The following MARCHF10 variants were observed in gnomAD, a reference collection of about 807,000 sequenced individuals.
The protein encoded by MARCHF10 is membrane associated ring-CH-type finger 10, also known as probable E3 ubiquitin-protein ligase MARCHF10.
In MARCHF10, 64 loss-of-function variants were observed where a neutral mutation model predicts 76.2. The observed-to-expected ratio is 0.84, with a 90% CI of 0.69 to 1.03. The LOEUF is 1.03. Ranked by LOEUF, MARCHF10 falls within the 50% of genes least tolerant of loss-of-function variation. MARCHF10 has a pLI of 0.00. For missense variants in MARCHF10, 875 were observed against 958.0 expected (o/e 0.91, Z 1.14); for synonymous variants, 340 against 357.5 (o/e 0.95, Z 0.55).
At chr17:62,750,955 C>T (rs750757323) in intron 4 of MARCHF10, among the ~76,000 whole-genome samples, 15 of 152,182 alleles carry the variant, frequency 9.9e-5, no homozygotes, top group Non-Finnish European at 1.8e-4. Context: ...CAGCTGCCCC[C>T]GCTAGCAGGC....
At chr17:62,740,077 TGTGTGC>T (rs201038985) in intron 5 of MARCHF10, among the ~76,000 whole-genome samples, 18 of 88,464 alleles carry the variant, frequency 2.0e-4, no homozygotes, top group African/African-American at 4.2e-4. Flanking sequence ...TGTGTGTGTG[TGTGTGC>T]GTGTGTGTGT....
At chr17:62,802,278 T>C (rs538724729) in intron 1 of MARCHF10, among the ~76,000 whole-genome samples, 37 of 152,238 alleles carry the variant, frequency 2.4e-4, no homozygotes, top group African/African-American at 8.4e-4. Context: ...TGGAGTGCAA[T>C]GGCCAGTCTC....
intron 4 of MARCHF10, among the ~76,000 whole-genome samples, chr17:62,747,383 T>C (rs1380060098): frequency 1.3e-5 from 2 of 152,240 alleles, no homozygotes; most frequent in Admixed American, 6.5e-5. Context: ...CATTACCATG[T>C]GTCCTCTAAT....
Position 62,701,770 on chromosome 17 carries a change from G to C in MARCHF10, c.2372-12C>G, listed in dbSNP as rs542514893. The C allele has an allele frequency of 4.4e-5, 71 of 1,613,950 alleles. No individual in the cohort carries two copies. The highest frequency in any genetic ancestry group is 5.8e-5 in the Non-Finnish European group (68 of 1,180,034). On this transcript the variant is annotated splice_polypyrimidine_tract_variant and intron_variant, in intron 10 of 10. Coordinates refer to ENST00000311269, the MANE Select transcript of MARCHF10 (RefSeq NM_152598.4). ...TCCCAACTCCGAATCTGGAAGGCAA[G>C]AAGGTGTTTCAGGCTGGAGGGCCGC...
chr17:62,768,079 A>G (rs2092374455), intron 3 of MARCHF10, among the ~76,000 whole-genome samples: 1 of 152,208 alleles, frequency 6.6e-6, no homozygotes, highest in Non-Finnish European at 1.5e-5. Context: ...TGAGTCCCTG[A>G]AAGTCTGAGA....
At chr17:62,719,642 G>GTTTTT (rs368367735) in intron 8 of MARCHF10, among the ~76,000 whole-genome samples, 4 of 150,958 alleles carry the variant, frequency 2.6e-5, no homozygotes, top group African/African-American at 7.3e-5. Flanking sequence ...GTTTTGTTTT[G>GTTTTT]CTTTTGGCAT....
rs1242353968 is a variant in MARCHF10 at position 62,756,196 on chromosome 17, C to T, written c.382+3639G>A. Among the ~76,000 whole-genome samples, 11 of 152,014 alleles carry T rather than the reference C, an allele frequency of 7.2e-5. No individual in the cohort carries two copies. The East Asian group carries it at 9.7e-4, about 13-fold the overall frequency. On this transcript the variant is annotated intron_variant, in intron 4 of 10. Transcript: ENST00000311269. Reference sequence around the variant, plus strand: ...CCGGGAGGCGGAGGTTGCCGTAAGCCGAGATCGCGCCATTGCACTTCAGCC... The same window carrying T: ...CCGGGAGGCGGAGGTTGCCGTAAGCTGAGATCGCGCCATTGCACTTCAGCC...
intron 2 of MARCHF10, among the ~76,000 whole-genome samples, chr17:62,795,356 C>CAAAAAAAAAAAAAAAAAAAAAAAAAAA (rs61564298): frequency 1.9e-5 from 1 of 52,936 alleles, no homozygotes; most frequent in African/African-American, 7.0e-5. Context: ...ATCATTTGAT[C>CAAAAAAAAAAAAAAAAAAAAAAAAAAA]AAAAAAAAAA....
intron 2 of MARCHF10, among the ~76,000 whole-genome samples, chr17:62,799,452 T>C (rs912905736): frequency 4.6e-5 from 7 of 152,098 alleles, no homozygotes; most frequent in Non-Finnish European, 1.0e-4. Flanking sequence ...CTCACAGTGA[T>C]AAGAATAAAA....
chr17:62,732,465 G>C (rs1158527149), intron 6 of MARCHF10, among the ~76,000 whole-genome samples: 1 of 152,182 alleles, frequency 6.6e-6, no homozygotes, highest in Non-Finnish European at 1.5e-5. Context: ...TGGCTGTGCA[G>C]ATCAACAGGG....
chr17:62,721,880 G>GCA (rs2090504670), intron 8 of MARCHF10, among the ~76,000 whole-genome samples: 1 of 152,084 alleles, frequency 6.6e-6, no homozygotes, highest in African/African-American at 2.4e-5. Context: ...GCAAACGTGG[G>GCA]TGTGGAGCTT....
intron 3 of MARCHF10, among the ~76,000 whole-genome samples, chr17:62,775,677 T>C (rs898980032): frequency 6.6e-6 from 1 of 152,042 alleles, no homozygotes; most frequent in Non-Finnish European, 1.5e-5. Flanking sequence ...TAAAGCAATA[T>C]AAAAACAAAA....
intron 4 of MARCHF10, among the ~76,000 whole-genome samples, chr17:62,754,409 CTT>C (rs1473675064): frequency 1.3e-5 from 2 of 152,114 alleles, no homozygotes; most frequent in Non-Finnish European, 2.9e-5. Flanking sequence ...ATACAAGTGT[CTT>C]TGGTCAAGCA....
At chr17:62,761,618 C>T (rs1434691408) in intron 3 of MARCHF10, among the ~76,000 whole-genome samples, 1 of 152,002 alleles carries the variant, frequency 6.6e-6, no homozygotes, top group Non-Finnish European at 1.5e-5. Flanking sequence ...GACGGGGTTT[C>T]GTTATGTTGG....
intron 3 of MARCHF10, among the ~76,000 whole-genome samples, chr17:62,778,002 C>T (rs984991877): frequency 1.3e-5 from 2 of 152,200 alleles, no homozygotes; most frequent in Non-Finnish European, 2.9e-5. Flanking sequence ...ATGCATGGAG[C>T]TCCTATTATG....
rs1350236487 is a variant in MARCHF10, at chr17:62,711,643, C to A, written c.2215-299G>T. Among the ~76,000 whole-genome samples, 1 of 152,222 alleles carries A rather than the reference C, an allele frequency of 6.6e-6. No homozygotes were observed. Among genetic ancestry groups the A allele is most frequent in the Admixed American group, 6.5e-5 (1 of 15,282 alleles). On this transcript the variant is annotated intron_variant, in intron 8 of 10. Coordinates refer to ENST00000311269, the MANE Select transcript of MARCHF10 (RefSeq NM_152598.4). This position sits in a 1 kb window ranked among gnomAD's most constrained non-coding sequence, Gnocchi z 4.4. ...GCAGTTACATATGCAAAGCCTTGAG[C>A]TGGATGTTGTGGGGAACACAGGGCA...
intron 5 of MARCHF10, 102 bp from the exon 6 acceptor site, chr17:62,737,434 G>A: frequency 9.4e-7 from 1 of 1,062,272 alleles, no homozygotes; most frequent in Non-Finnish European, 1.4e-6. Context: ...CAACAGACAA[G>A]ACCTAGAGAA....
rs757802821 is a variant in MARCHF10, at chr17:62,788,557, T to C, written c.133A>G (p.Lys45Glu). The change falls in exon 3 of 11, where the codon AAG becomes GAG. Residue 45 changes from lysine (K) to glutamate (E), a missense_variant. Physicochemically the swap from Lys to Glu is moderately conservative, Grantham distance 56. Coordinates refer to ENST00000311269, the MANE Select transcript of MARCHF10 (RefSeq NM_152598.4). ...TGCCCCCAAAACTGATCGCGTTTCTTCTCATTTGGGTCTCTTCTATATTCC... is the reference window on the plus strand; with the variant it reads ...TGCCCCCAAAACTGATCGCGTTTCTCCTCATTTGGGTCTCTTCTATATTCC... ...RQEYRRDPNE[K>E]KRDQFWGQET... 3 of 1,614,118 alleles carry C rather than the reference T, an allele frequency of 1.9e-6. No individual in the cohort carries two copies. Among genetic ancestry groups the C allele is most frequent in the Non-Finnish European group, 2.5e-6 (3 of 1,180,012 alleles).
At chr17:62,800,703 T>C (rs1257329603) in intron 2 of MARCHF10, among the ~76,000 whole-genome samples, 2 of 152,138 alleles carry the variant, frequency 1.3e-5, no homozygotes, top group Non-Finnish European at 2.9e-5. Context: ...GCCTTCCTGA[T>C]TGGCAAGGGC....
Sources: allele counts gnomAD v4.1 joint callset (sites outside exome capture counted in the v4.1 genomes callset), GRCh38; gene constraint gnomAD v4.1.1; non-coding constraint Gnocchi (gnomAD v3.1); transcripts MANE v1.5; gene names NCBI Gene and HGNC (gene_info 2026-07-23, HGNC 2026-07-21).